The following GTF2IRD2B variants were observed in gnomAD, a reference collection of about 807,000 sequenced individuals.
GTF2IRD2B encodes the protein general transcription factor II-I repeat domain-containing protein 2B.
In GTF2IRD2B, 10 loss-of-function variants were observed where a neutral mutation model predicts 55.6. That is an observed-to-expected ratio of 0.18 (90% confidence interval 0.11 to 0.31). GTF2IRD2B has a LOEUF of 0.31. Ranked by LOEUF, GTF2IRD2B falls within the 10% of genes least tolerant of loss-of-function variation. The pLI is 1.00. For missense variants in GTF2IRD2B, 206 were observed against 802.7 expected (o/e 0.26, Z 8.98); for synonymous variants, 107 against 320.5 (o/e 0.33, Z 7.12).
intron 8 of GTF2IRD2B, among the ~76,000 whole-genome samples, chr7:75,130,503 A>G (rs1808639536): frequency 6.7e-6 from 1 of 150,090 alleles, no homozygotes; most frequent in Non-Finnish European, 1.5e-5. Context: ...TTCTTGAGAC[A>G]GAGTCTCGCT....
At chr7:75,122,314 C>A (rs1161899282) in intron 4 of GTF2IRD2B, among the ~76,000 whole-genome samples, 2 of 140,250 alleles carry the variant, frequency 1.4e-5, no homozygotes, top group Non-Finnish European at 3.0e-5. Context: ...AAAAAAAATA[C>A]GCTGGGCATG....
In GTF2IRD2B at chr7:75,112,474, C is replaced by T. The variant is rs782027880; in HGVS notation, c.177C>T (p.Thr59=). The T allele has an allele frequency of 2.8e-6, 2 of 721,810 alleles. No individual in the cohort carries two copies. Among genetic ancestry groups the T allele is most frequent in the East Asian group, 2.9e-5 (1 of 34,486 alleles). The allele number at this position is 721,810 out of a possible 1,614,324, so 44.7% of individuals were successfully genotyped here. The change falls in exon 3 of 16, where the codon ACC becomes ACT. Residue 59 remains threonine (T), a synonymous_variant. Transcript: ENST00000472837. ...AAACAGACGTGTTTGTCGTCGGAAC[C>T]GAGAGAGGATGCGCTTTTGTTAATG... ...VYETDVFVVG[T]ERGCAFVNAR...
chr7:75,106,862 A>G (rs1333517576), intron 1 of GTF2IRD2B, among the ~76,000 whole-genome samples: 1 of 138,976 alleles, frequency 7.2e-6, no homozygotes, highest in African/African-American at 2.6e-5. Context: ...GAGTTGGAGG[A>G]TGCAGTGAGC....
intron 3 of GTF2IRD2B, among the ~76,000 whole-genome samples, chr7:75,116,835 G>T (rs1255832828): frequency 2.0e-5 from 3 of 150,348 alleles, no homozygotes; most frequent in African/African-American, 7.4e-5. Context: ...AGTAGAGGTG[G>T]GGTTTCACCA....
chr7:75,130,511 G>A (rs1443190049), intron 8 of GTF2IRD2B, among the ~76,000 whole-genome samples: 14 of 150,548 alleles, frequency 9.3e-5, no homozygotes, highest in African/African-American at 2.2e-4. Flanking sequence ...ACAGAGTCTC[G>A]CTGTCGCCCA....
intron 8 of GTF2IRD2B, among the ~76,000 whole-genome samples, chr7:75,132,586 C>G (rs1427838271): frequency 6.0e-4 from 53 of 88,992 alleles, no homozygotes; most frequent in Admixed American, 4.0e-3. Flanking sequence ...GATGGAGTCT[C>G]GCTTTGTCAA....
intron 1 of GTF2IRD2B, among the ~76,000 whole-genome samples, chr7:75,106,893 C>G (rs1424501116): frequency 7.0e-6 from 1 of 142,680 alleles, no homozygotes; most frequent in African/African-American, 2.5e-5. Flanking sequence ...CCACTGCACT[C>G]CAGACTGGGT....
chr7:75,139,239 G>T, intron 12 of GTF2IRD2B, among the ~76,000 whole-genome samples: 1 of 15,020 alleles, frequency 6.7e-5, no homozygotes, highest in African/African-American at 2.3e-4. Context: ...GACAAGCCCG[G>T]GCATTACCTG....
At chr7:75,115,398 T>G (rs1808109423) in intron 3 of GTF2IRD2B, among the ~76,000 whole-genome samples, 1 of 150,924 alleles carries the variant, frequency 6.6e-6, no homozygotes, top group South Asian at 2.1e-4. Flanking sequence ...TTATTCAGAG[T>G]CCCTTGGTGT....
At chr7:75,102,976 C>T (rs1470561185) in intron 1 of GTF2IRD2B, among the ~76,000 whole-genome samples, 1 of 146,790 alleles carries the variant, frequency 6.8e-6, no homozygotes, top group Non-Finnish European at 1.5e-5. Flanking sequence ...AAAAACAATA[C>T]ATACATATAT....
At chr7:75,127,068 T>G (rs2115794710) in intron 8 of GTF2IRD2B, among the ~76,000 whole-genome samples, 2 of 150,430 alleles carry the variant, frequency 1.3e-5, no homozygotes, top group Admixed American at 1.3e-4. Context: ...AGGTTATCAT[T>G]TGACACCTTT....
At chr7:75,101,377 G>A (rs1341882860) in intron 1 of GTF2IRD2B, among the ~76,000 whole-genome samples, 6 of 151,030 alleles carry the variant, frequency 4.0e-5, no homozygotes, top group African/African-American at 9.7e-5. Flanking sequence ...TGAGACCAGC[G>A]TGGGCAACAT....
chr7:75,106,282 A>G (rs1807804333), intron 1 of GTF2IRD2B, among the ~76,000 whole-genome samples: 1 of 152,272 alleles, frequency 6.6e-6, no homozygotes, highest in South Asian at 2.1e-4. Flanking sequence ...GCCTGCCTGT[A>G]ATCCCAGCTA....
intron 12 of GTF2IRD2B, among the ~76,000 whole-genome samples, chr7:75,139,891 CA>C (rs202095906): frequency 0.92 from 100,191 of 108,738 alleles, 47,580 homozygotes; most frequent in Middle Eastern, 0.97. Flanking sequence ...AAAATAAAAG[CA>C]AAAAAAAAAA....
chr7:75,148,418 G>A lies in GTF2IRD2B; in HGVS notation c.1971G>A (p.Pro657=), dbSNP rs145587319. The A allele has an allele frequency of 9.6e-4, 1,546 of 1,611,416 alleles. 8 individuals carry two copies. In the African/African-American group the frequency reaches 0.017, roughly 17 times the overall value. Reference sequence around the variant, plus strand: ...AGTCCATCTGTTGTATAATTCATCCGGAATCACTCTGTGCTCAGAAGTTGA... The same window carrying A: ...AGTCCATCTGTTGTATAATTCATCCAGAATCACTCTGTGCTCAGAAGTTGA... The part of the protein sequence containing the change: ...ELKSICCIIH[P]ESLCAQKLKM... The change falls in exon 16 of 16, where the codon CCG becomes CCA. Residue 657 remains proline, a synonymous_variant. Transcript: ENST00000472837.
rs1808470703 is a variant in GTF2IRD2B, at chr7:75,123,964, T to C, written c.571+448T>C. ...GTGCAGCAAGCCATCGTGGCACACATGTGCCTAGGAAACAAACCTGCACAT... is the reference window on the plus strand; with the variant it reads ...GTGCAGCAAGCCATCGTGGCACACACGTGCCTAGGAAACAAACCTGCACAT... On this transcript the variant is annotated intron_variant, in intron 6 of 15. Transcript: ENST00000472837. 3 of 271,500 alleles carry C rather than the reference T, an allele frequency of 1.1e-5. No homozygotes were observed. The South Asian group carries it at 1.1e-4, about 10-fold the overall frequency. 16.8% of individuals were successfully genotyped at this position (271,500 alleles called of 1,614,324 possible). A position where few individuals can be genotyped will look rare whatever the true frequency, so the allele number is the denominator to read the frequency against.
intron 4 of GTF2IRD2B, 72 bp from the exon 5 acceptor site, chr7:75,123,064 C>G (rs1363582142): frequency 1.3e-6 from 2 of 1,566,508 alleles, no homozygotes; most frequent in Non-Finnish European, 1.7e-6. Context: ...AAACAAAAAA[C>G]AAAAAACAAA....
intron 3 of GTF2IRD2B, among the ~76,000 whole-genome samples, chr7:75,119,190 T>TAAAAA: frequency 1.1e-4 from 1 of 8,810 alleles, no homozygotes. Context: ...TAAGACTCTC[T>TAAAAA]CAAAAAAAAA....
At chr7:75,116,437 A>G (rs1389828485) in intron 3 of GTF2IRD2B, among the ~76,000 whole-genome samples, 2 of 152,254 alleles carry the variant, frequency 1.3e-5, no homozygotes, top group African/African-American at 2.4e-5. Flanking sequence ...TTTGCTGAAT[A>G]TGTTGGAGTT....
Sources: allele counts gnomAD v4.1 joint callset (sites outside exome capture counted in the v4.1 genomes callset), GRCh38; gene constraint gnomAD v4.1.1; transcripts MANE v1.5; gene names NCBI Gene and HGNC (gene_info 2026-07-23, HGNC 2026-07-21).